CSRNP3: variants seen among roughly 807,000 people sequenced by gnomAD.
CSRNP3 encodes the protein cysteine/serine-rich nuclear protein 3.
Under a neutral mutation model 48.0 loss-of-function variants are expected in CSRNP3, and 12 were observed. That is an observed-to-expected ratio of 0.25 (90% CI 0.16 to 0.41). CSRNP3 has a LOEUF of 0.41. CSRNP3 is among the 10% of genes least tolerant of loss of function. The pLI is 1.00. For synonymous variants in CSRNP3, 263 were observed against 269.7 expected (o/e 0.98, Z 0.24); for missense variants, 580 against 724.4 (o/e 0.80, Z 2.29).
At chr2:165,609,914 C>T (rs769372343) in intron 4 of CSRNP3, among the ~76,000 whole-genome samples, 63 of 152,136 alleles carry the variant, frequency 4.1e-4, no homozygotes, top group Admixed American at 6.5e-5. Context: ...GAATCACAGC[C>T]GCTATGGAAG....
chr2:165,665,247 C>T (rs1027548892), intron 5 of CSRNP3, among the ~76,000 whole-genome samples: 1 of 152,076 alleles, frequency 6.6e-6, no homozygotes, highest in African/African-American at 2.4e-5. Context: ...GTATAGATGC[C>T]GTTATCCTTC....
chr2:165,520,886 A>C (rs1684651102), intron 3 of CSRNP3, among the ~76,000 whole-genome samples: 2 of 144,284 alleles, frequency 1.4e-5, no homozygotes, highest in South Asian at 4.3e-4. Flanking sequence ...GGAGCATAGT[A>C]GCAGGATCTC....
At chr2:165,586,381 C>T (rs1356281135) in intron 3 of CSRNP3, among the ~76,000 whole-genome samples, 2 of 152,126 alleles carry the variant, frequency 1.3e-5, no homozygotes, top group Admixed American at 6.5e-5. Context: ...CAGTCATTTA[C>T]TTTCTCACCA....
chr2:165,544,839 A>G (rs1685003739), intron 3 of CSRNP3, among the ~76,000 whole-genome samples: 1 of 152,212 alleles, frequency 6.6e-6, no homozygotes, highest in African/African-American at 2.4e-5. Context: ...GCCTAAAACC[A>G]CAAGAGACTG....
chr2:165,616,363 C>T (rs1033630712), intron 4 of CSRNP3, among the ~76,000 whole-genome samples: 5 of 152,142 alleles, frequency 3.3e-5, no homozygotes, highest in African/African-American at 7.2e-5. Flanking sequence ...TGTACCAGTA[C>T]ATTTTATACT....
rs761343531 is a variant in CSRNP3, at chr2:165,666,524, CAGAG to C, written c.408+8509_408+8512del. Among the ~76,000 whole-genome samples, 4 of 12,836 alleles carry C rather than the reference CAGAG, an allele frequency of 3.1e-4. 1 individual carries two copies. The highest frequency in any genetic ancestry group is 2.7e-3 in the Admixed American group (2 of 742). 8.4% of individuals were successfully genotyped at this position (12,836 alleles called of 152,430 possible). A position where few individuals can be genotyped will look rare whatever the true frequency, so the allele number is the denominator to read the frequency against. On this transcript the variant is annotated intron_variant, in intron 5 of 6. Transcript: ENST00000651982. ...AAAGAGAGAGAGGAAGAAAGAAAGA[CAGAG>C]AGAGGAAGGAAGGAAGGAAGGAAAG...
chr2:165,557,095 T>A (rs1685169522), intron 3 of CSRNP3, among the ~76,000 whole-genome samples: 1 of 152,186 alleles, frequency 6.6e-6, no homozygotes, highest in South Asian at 2.1e-4. Context: ...GTTGTACAAA[T>A]CTGCCTCACT....
intron 5 of CSRNP3, among the ~76,000 whole-genome samples, chr2:165,666,833 CGGAA>C (rs1158749313): frequency 1.0e-3 from 47 of 44,872 alleles, no homozygotes; most frequent in Non-Finnish European, 1.4e-3. Context: ...AAAGGAAGGA[CGGAA>C]GGAAGGAAGG....
intron 4 of CSRNP3, among the ~76,000 whole-genome samples, chr2:165,644,153 A>T (rs1480791636): frequency 6.6e-6 from 1 of 152,130 alleles, no homozygotes; most frequent in Admixed American, 6.6e-5. Context: ...TTGTTTAGAG[A>T]TTATGGAGCC....
intron 3 of CSRNP3, among the ~76,000 whole-genome samples, chr2:165,535,265 T>G (rs910211795): frequency 6.6e-6 from 1 of 151,290 alleles, no homozygotes; most frequent in Admixed American, 6.6e-5. Flanking sequence ...TGGAGCTTCA[T>G]GAAAAGTAGT....
Position 165,642,489 on chromosome 2 carries a change from A to T in CSRNP3, c.149-15272A>T, listed in dbSNP as rs375943245. The stretch of plus-strand genomic sequence containing the variant: ...CTTGTGAGATTATTTTTTTGCAAGA[A>T]TTGCAATGTCTAATAAGAGTAGACG... On this transcript the variant is annotated intron_variant, in intron 4 of 6. Coordinates refer to ENST00000651982, the MANE Select transcript of CSRNP3 (RefSeq NM_001172173.2). Among the ~76,000 whole-genome samples the T allele has an allele frequency of 3.7e-4, 57 of 152,206 alleles. 1 individual carries two copies. The South Asian group carries it at 0.012, about 31-fold the overall frequency.
At chr2:165,623,318 G>T (rs1355669508) in intron 4 of CSRNP3, among the ~76,000 whole-genome samples, 4 of 152,162 alleles carry the variant, frequency 2.6e-5, no homozygotes, top group Admixed American at 6.5e-5. Flanking sequence ...TGTCAGATCA[G>T]TGGGGGCATT....
At chr2:165,496,803 G>C (rs1371887137) in intron 2 of CSRNP3, among the ~76,000 whole-genome samples, 1 of 151,846 alleles carries the variant, frequency 6.6e-6, no homozygotes, top group Non-Finnish European at 1.5e-5. Context: ...TAAATCGCCA[G>C]CATGCTTACA....
intron 1 of CSRNP3, among the ~76,000 whole-genome samples, chr2:165,483,809 G>A (rs900136421): frequency 1.3e-5 from 2 of 152,006 alleles, no homozygotes; most frequent in African/African-American, 2.4e-5. Context: ...GCACTAATCC[G>A]CCTTCATGAC....
chr2:165,577,459 T>C (rs1685470977), intron 3 of CSRNP3, among the ~76,000 whole-genome samples: 1 of 151,824 alleles, frequency 6.6e-6, no homozygotes, highest in Admixed American at 6.6e-5. Flanking sequence ...GTAGCTAAAG[T>C]TTATGACTAT....
chr2:165,477,498 A>ATAT (rs1394959197), intron 1 of CSRNP3, among the ~76,000 whole-genome samples: 5 of 112,000 alleles, frequency 4.5e-5, no homozygotes, highest in Non-Finnish European at 7.5e-5. Context: ...ATATATATAT[A>ATAT]ATACAAATAT....
chr2:165,635,049 C>T (rs1216664184), intron 4 of CSRNP3, among the ~76,000 whole-genome samples: 4 of 152,216 alleles, frequency 2.6e-5, no homozygotes, highest in African/African-American at 9.6e-5. Flanking sequence ...AGGAGCCAGC[C>T]TGGAGCTCCG....
chr2:165,553,680 C>G (rs35717196), intron 3 of CSRNP3, among the ~76,000 whole-genome samples: 2 of 152,204 alleles, frequency 1.3e-5, no homozygotes, highest in African/African-American at 4.8e-5. Flanking sequence ...CATAGGCTTT[C>G]CCACAAAATT....
intron 2 of CSRNP3, among the ~76,000 whole-genome samples, chr2:165,511,154 A>G (rs971187014): frequency 6.6e-6 from 1 of 152,190 alleles, no homozygotes; most frequent in Admixed American, 6.5e-5. Flanking sequence ...GCAATATTCA[A>G]GTTCACTGCT....
Sources: allele counts gnomAD v4.1 joint callset (sites outside exome capture counted in the v4.1 genomes callset), GRCh38; gene constraint gnomAD v4.1.1; transcripts MANE v1.5; gene names NCBI Gene and HGNC (gene_info 2026-07-23, HGNC 2026-07-21).